Variants in DISC1 observed in about 807,000 individuals in gnomAD.
The protein encoded by DISC1 is disrupted in schizophrenia 1 protein.
Under a neutral mutation model 84.5 loss-of-function variants are expected in DISC1, and 57 were observed. The ratio of observed to expected loss-of-function variants is 0.67; its 90% CI spans 0.55 to 0.84. The LOEUF (loss-of-function observed/expected upper bound fraction) is 0.84. Ranked by LOEUF, DISC1 falls within the 40% of genes least tolerant of loss-of-function variation. The pLI is 0.00. For missense variants in DISC1, 1,000 were observed against 1,057.8 expected, an observed-to-expected ratio of 0.95 and a Z score of 0.76; for synonymous variants, 411 against 415.2, an observed-to-expected ratio of 0.99 and a Z score of 0.12.
intron 9 of DISC1, among the ~76,000 whole-genome samples, chr1:231,927,789 C>T (rs997644639): frequency 2.0e-5 from 3 of 152,190 alleles, no homozygotes; most frequent in Non-Finnish European, 4.4e-5. Flanking sequence ...AACTAGTTTC[C>T]AAATGCTGGA....
At chr1:231,693,203 T>C (rs1032516719) in intron 1 of DISC1, among the ~76,000 whole-genome samples, 1 of 152,184 alleles carries the variant, frequency 6.6e-6, no homozygotes, top group Non-Finnish European at 1.5e-5. Flanking sequence ...TCCTATAGCA[T>C]AGCTGGGAAG....
chr1:231,763,505 C>T (rs1056268608), intron 4 of DISC1, among the ~76,000 whole-genome samples: 6 of 152,286 alleles, frequency 3.9e-5, no homozygotes, highest in African/African-American at 1.4e-4. Flanking sequence ...TTCAGAGAAT[C>T]CGATCTTTTT....
chr1:231,649,768 T>G (rs1038765272), intron 1 of DISC1, among the ~76,000 whole-genome samples: 4 of 152,348 alleles, frequency 2.6e-5, no homozygotes, highest in African/African-American at 7.2e-5. Context: ...ATATTTAGGA[T>G]AGTTAGCTCT....
chr1:232,023,392 TTGATA>T (rs1669144016), intron 11 of DISC1, among the ~76,000 whole-genome samples: 1 of 152,204 alleles, frequency 6.6e-6, no homozygotes, highest in Non-Finnish European at 1.5e-5. Context: ...TTATTTCTAT[TTGATA>T]TATGTGATAG....
intron 9 of DISC1, among the ~76,000 whole-genome samples, chr1:231,938,350 G>A (rs1048593071): frequency 1.3e-5 from 2 of 152,132 alleles, no homozygotes; most frequent in African/African-American, 2.4e-5. Flanking sequence ...TGACAGTGAG[G>A]TTTGAAGTGT....
At chr1:231,969,314 G>C (rs1391777732) in intron 10 of DISC1, among the ~76,000 whole-genome samples, 1 of 149,624 alleles carries the variant, frequency 6.7e-6, no homozygotes, top group Non-Finnish European at 1.5e-5. Context: ...AGAAGATTTA[G>C]AGCCTTCAGT....
intron 3 of DISC1, among the ~76,000 whole-genome samples, chr1:231,740,211 C>A (rs1224544830): frequency 1.3e-5 from 2 of 152,182 alleles, no homozygotes; most frequent in African/African-American, 2.4e-5. Flanking sequence ...GTAATAGCAT[C>A]ACCAACCGAC....
At position 231,857,445 on chromosome 1, in the gene DISC1, A is replaced by T. The variant is rs868152157; in HGVS notation, c.1981+38928A>T. 9.9e-5 allele frequency among the ~76,000 whole-genome samples: 15 copies of T among 152,268 alleles called. 1 individual carries two copies. Among genetic ancestry groups the T allele is most frequent in the Middle Eastern group, 3.4e-3 (1 of 294 alleles). ...TTGATGGCACTCCAGGTGTGTGAAG[A>T]CGCCACTGGCCTGGGAATCACGACA... On this transcript the variant is annotated intron_variant, in intron 9 of 12. Coordinates refer to ENST00000439617, the MANE Select transcript of DISC1 (RefSeq NM_018662.3).
At chr1:231,915,543 G>T (rs2089558908) in intron 9 of DISC1, among the ~76,000 whole-genome samples, 1 of 152,160 alleles carries the variant, frequency 6.6e-6, no homozygotes, top group Admixed American at 6.5e-5. Flanking sequence ...CAGCACTTTG[G>T]GAGGCTGAGG....
intron 12 of DISC1, among the ~76,000 whole-genome samples, chr1:232,030,572 A>G (rs9701655): frequency 0.17 from 25,121 of 152,060 alleles, 2,264 homozygotes; most frequent in Middle Eastern, 0.22. Context: ...ATGGTGCCCA[A>G]TTGTTTAGTT....
At chr1:231,848,593 T>C (rs2083629376) in intron 9 of DISC1, among the ~76,000 whole-genome samples, 1 of 152,226 alleles carries the variant, frequency 6.6e-6, no homozygotes, top group African/African-American at 2.4e-5. Flanking sequence ...CTCTAGGATG[T>C]GTCCAGGATG....
chr1:231,739,663 T>C (rs2072992865), intron 3 of DISC1, among the ~76,000 whole-genome samples: 1 of 152,266 alleles, frequency 6.6e-6, no homozygotes, highest in African/African-American at 2.4e-5. Context: ...TGTGACTTGT[T>C]GATCTTTGTA....
chr1:231,658,423 A>G (rs1168961240), intron 1 of DISC1, among the ~76,000 whole-genome samples: 1 of 152,212 alleles, frequency 6.6e-6, no homozygotes, highest in African/African-American at 2.4e-5. Context: ...GTCATCTGCA[A>G]ACAAAGATAA....
At position 232,008,938 on chromosome 1, in the gene DISC1, T is replaced by A; in HGVS notation, c.2196T>A (p.Ile732=). 6.2e-7 allele frequency: 1 copy of A among 1,613,394 alleles called. No homozygotes were observed. Among genetic ancestry groups the A allele is most frequent in the Non-Finnish European group, 8.5e-7 (1 of 1,179,636 alleles). Residue 732 remains isoleucine (I), a synonymous_variant, in exon 11 of 13, where the codon ATT becomes ATA. Coordinates refer to ENST00000439617, the MANE Select transcript of DISC1 (RefSeq NM_018662.3). ...MDDLEGAAPP[I]PPRLHSEDKR... is the part of the protein sequence containing the mutation. The stretch of plus-strand genomic sequence containing the variant: ...ACTTAGAGGGAGCTGCTCCTCCTAT[T>A]CCCCCCAGGCTCCACTCCGAGGATA...
chr1:231,976,133 C>T (rs1662762593), intron 10 of DISC1, among the ~76,000 whole-genome samples: 1 of 152,122 alleles, frequency 6.6e-6, no homozygotes. Flanking sequence ...GGACAGGTGC[C>T]AGGAGCAAGG....
chr1:231,996,237 A>G (rs1665937918), intron 10 of DISC1, among the ~76,000 whole-genome samples: 1 of 152,104 alleles, frequency 6.6e-6, no homozygotes, highest in Non-Finnish European at 1.5e-5. Context: ...GATTCTGGAT[A>G]TTAGCCATTT....
intron 4 of DISC1, among the ~76,000 whole-genome samples, chr1:231,759,563 AAATGCGGT>A (rs1173022577): frequency 1.4e-5 from 2 of 143,408 alleles, no homozygotes; most frequent in African/African-American, 5.1e-5. Flanking sequence ...AAAACTAGCC[AAATGCGGT>A]GGTGCGTACC....
At chr1:231,677,513 G>A (rs866034293) in intron 1 of DISC1, among the ~76,000 whole-genome samples, 17 of 152,194 alleles carry the variant, frequency 1.1e-4, no homozygotes, top group Non-Finnish European at 2.1e-4. Flanking sequence ...TCACCTGCCA[G>A]AAATTTAAAA....
intron 1 of DISC1, among the ~76,000 whole-genome samples, chr1:231,685,833 G>A (rs2064203853): frequency 6.6e-6 from 1 of 152,204 alleles, no homozygotes; most frequent in Admixed American, 6.5e-5. Context: ...CCATGAGCCT[G>A]TAAAATCAAA....
Sources: gnomAD v4.1 joint callset for allele counts (sites outside exome capture counted in the v4.1 genomes callset) on GRCh38, gnomAD v4.1.1 for gene constraint, MANE v1.5 for transcripts, NCBI Gene and HGNC (gene_info 2026-07-23, HGNC 2026-07-21) for gene names.